The following LARGE1 variants were observed in gnomAD, a reference collection of about 807,000 sequenced individuals.
LARGE1 encodes LARGE xylosyl- and glucuronyltransferase 1.
A neutral mutation model predicts 87.6 loss-of-function variants in LARGE1; 43 were observed. That is an observed-to-expected ratio of 0.49 (90% CI 0.38 to 0.63). The LOEUF (loss-of-function observed/expected upper bound fraction) is 0.63. Among genes scored for constraint, LARGE1 ranks in the 30% least tolerant of loss-of-function variants. The pLI is 0.00. For missense variants in LARGE1, 802 were observed against 1,000.2 expected (o/e 0.80, Z 2.67); for synonymous variants, 434 against 394.6 (o/e 1.10, Z -1.18).
intron 11 of LARGE1, among the ~76,000 whole-genome samples, chr22:33,260,776 A>G (rs965593105): frequency 6.6e-6 from 1 of 151,756 alleles, no homozygotes; most frequent in Non-Finnish European, 1.5e-5. Context: ...TTATTTGTTA[A>G]CCTCCATCCA....
At position 33,425,245 on chromosome 22, in the gene LARGE1, G is replaced by C. The variant is rs960681717; in HGVS notation, c.892+6916C>G. Among the ~76,000 whole-genome samples the C allele has an allele frequency of 8.5e-5, 13 of 152,138 alleles. No individual in the cohort carries two copies. The South Asian group carries it at 2.5e-3, about 29-fold the overall frequency. On this transcript the variant is annotated intron_variant, in intron 7 of 14. Transcript: ENST00000397394. ...CCATTGCACTTCAGCCTGGGTGACA[G>C]AGCAAGACTCTGTCTCAAAAAAACA... is the stretch of plus-strand genomic sequence containing the variant.
intron 2 of LARGE1, among the ~76,000 whole-genome samples, chr22:33,735,848 A>T (rs1049406510): frequency 2.0e-5 from 3 of 152,152 alleles, no homozygotes; most frequent in African/African-American, 7.2e-5. Flanking sequence ...ATCTCTATGG[A>T]CTGGCCAATT....
chr22:33,220,597 G>C (rs1925413514), intron 11 of LARGE1, among the ~76,000 whole-genome samples: 1 of 152,208 alleles, frequency 6.6e-6, no homozygotes, highest in African/African-American at 2.4e-5. Context: ...AAAATTGTCA[G>C]TGACCCTGTT....
intron 6 of LARGE1, among the ~76,000 whole-genome samples, chr22:33,466,370 CCTCT>C (rs145185909): frequency 4.8e-4 from 70 of 144,450 alleles, no homozygotes; most frequent in Non-Finnish European, 8.6e-4. Flanking sequence ...TTTTCTCTTG[CCTCT>C]CTCTCTCTCT....
At chr22:33,200,201 C>T (rs905537446) in intron 11 of LARGE1, among the ~76,000 whole-genome samples, 6 of 152,068 alleles carry the variant, frequency 3.9e-5, no homozygotes, top group African/African-American at 1.4e-4. Context: ...GAAGATTCTT[C>T]CCCTTGTAAA....
intron 5 of LARGE1, among the ~76,000 whole-genome samples, chr22:33,594,050 A>G (rs1249353290): frequency 6.6e-6 from 1 of 152,250 alleles, no homozygotes; most frequent in Non-Finnish European, 1.5e-5. Context: ...TAGGTTGGCA[A>G]ATAATCAACT....
intron 1 of LARGE1, among the ~76,000 whole-genome samples, chr22:33,811,873 A>G (rs2086507029): frequency 1.3e-5 from 2 of 152,202 alleles, no homozygotes; most frequent in Admixed American, 6.5e-5. Context: ...CAGGCCAGGG[A>G]TAATGGGAGC....
intron 10 of LARGE1, chr22:33,320,764 G>C (rs79925541): frequency 5.9e-5 from 9 of 152,146 alleles, no homozygotes; most frequent in Non-Finnish European, 1.0e-4. Context: ...GGTCTGTGAC[G>C]GCTGAAAAGC....
intron 1 of LARGE1, among the ~76,000 whole-genome samples, chr22:33,889,904 A>G (rs970578672): frequency 2.0e-5 from 3 of 152,258 alleles, no homozygotes; most frequent in Non-Finnish European, 2.9e-5. Flanking sequence ...GCCCTTGTGT[A>G]GTGTGAAACC....
At chr22:33,480,460 G>C (rs992336755) in intron 6 of LARGE1, among the ~76,000 whole-genome samples, 1 of 152,158 alleles carries the variant, frequency 6.6e-6, no homozygotes, top group African/African-American at 2.4e-5. Context: ...CCCAGGGAGG[G>C]GAGGTGAGCC....
chr22:33,740,021 G>A (rs899801624), intron 2 of LARGE1, among the ~76,000 whole-genome samples: 13 of 152,166 alleles, frequency 8.5e-5, no homozygotes, highest in Admixed American at 8.5e-4. Flanking sequence ...GACTTGCTGT[G>A]TTGCTTTTCC....
intron 6 of LARGE1, among the ~76,000 whole-genome samples, chr22:33,455,049 C>T (rs1238092333): frequency 2.0e-5 from 3 of 152,192 alleles, no homozygotes; most frequent in Non-Finnish European, 2.9e-5. Context: ...CTAGCAAATG[C>T]TATTAATGTA....
chr22:33,901,499 C>T (rs5994806), intron 1 of LARGE1, among the ~76,000 whole-genome samples: 1,917 of 152,258 alleles, frequency 0.013, 63 homozygotes, highest in African/African-American at 0.044. Context: ...TGTGAAATGT[C>T]TTCCATAAAG....
chr22:33,210,048 T>C (rs1039873657), intron 11 of LARGE1, among the ~76,000 whole-genome samples: 46 of 152,320 alleles, frequency 3.0e-4, no homozygotes, highest in African/African-American at 1.0e-3. Context: ...CACACAGAAG[T>C]TCTTGAGGGT....
chr22:33,313,872 T>G (rs868470716), intron 11 of LARGE1, among the ~76,000 whole-genome samples: 21 of 152,232 alleles, frequency 1.4e-4, no homozygotes, highest in African/African-American at 4.8e-4. Flanking sequence ...TGACCCATAG[T>G]GGCCACAAGG....
intron 6 of LARGE1, among the ~76,000 whole-genome samples, chr22:33,466,693 T>TCTACACACACAC (rs1555925562): frequency 2.8e-5 from 4 of 145,344 alleles, no homozygotes; most frequent in African/African-American, 5.2e-5. Context: ...TCTCTCTCTC[T>TCTACACACACAC]ACACACACAC....
At chr22:33,436,515 G>A (rs964155773) in intron 6 of LARGE1, 14 of 154,142 alleles carry the variant, frequency 9.1e-5, no homozygotes, top group African/African-American at 3.1e-4. Context: ...TTAGTGGGAG[G>A]ATGCTTTCCC....
At chr22:33,153,762 T>C in the LARGE1 span, among the ~76,000 whole-genome samples, 88 of 152,356 alleles carry the variant, frequency 5.8e-4, no homozygotes, top group South Asian at 0.017. Context: ...TTTATTTGCA[T>C]AGTTTATAAG....
At chr22:33,590,031 C>T (rs2078790293) in intron 5 of LARGE1, among the ~76,000 whole-genome samples, 1 of 152,098 alleles carries the variant, frequency 6.6e-6, no homozygotes. Context: ...TCAATAACTA[C>T]TGATATTATG....
Sources: allele counts gnomAD v4.1 joint callset (sites outside exome capture counted in the v4.1 genomes callset), GRCh38; gene constraint gnomAD v4.1.1; transcripts MANE v1.5; gene names NCBI Gene and HGNC (gene_info 2026-07-23, HGNC 2026-07-21).